PLCB1: variants seen among roughly 807,000 people sequenced by gnomAD.
PLCB1 encodes the protein 1-phosphatidylinositol 4,5-bisphosphate phosphodiesterase beta-1.
A neutral mutation model predicts 161.8 loss-of-function variants in PLCB1; 46 were observed. The ratio of observed to expected loss-of-function variants is 0.28; its 90% CI spans 0.22 to 0.36. The LOEUF (loss-of-function observed/expected upper bound fraction) is 0.36, where lower values mean the gene tolerates loss of function less well. Among genes scored for constraint, PLCB1 ranks in the 10% least tolerant of loss-of-function variants. The pLI is 1.00. For missense variants in PLCB1, 1,016 were observed against 1,472.5 expected (o/e 0.69, Z 5.07); for synonymous variants, 517 against 503.7 (o/e 1.03, Z -0.35).
intron 11 of PLCB1, among the ~76,000 whole-genome samples, chr20:8,699,993 C>T (rs1186322730): frequency 6.6e-6 from 1 of 152,198 alleles, no homozygotes; most frequent in Non-Finnish European, 1.5e-5. Flanking sequence ...TTTCCATAGT[C>T]CCACTTCTTC....
intron 17 of PLCB1, among the ~76,000 whole-genome samples, chr20:8,728,782 T>C: frequency 6.6e-6 from 1 of 152,072 alleles, no homozygotes; most frequent in Non-Finnish European, 1.5e-5. Flanking sequence ...GATAAGAGCA[T>C]ACTTATTCTG....
chr20:8,867,331 G>A (rs1987462747), intron 31 of PLCB1, among the ~76,000 whole-genome samples: 1 of 152,230 alleles, frequency 6.6e-6, no homozygotes, highest in African/African-American at 2.4e-5. Flanking sequence ...TGAAGAGGCT[G>A]CTTCATGGGA....
intron 9 of PLCB1, among the ~76,000 whole-genome samples, chr20:8,673,113 AAAATAAATAAATAAATAAAT>A (rs145820624): frequency 1.6e-4 from 23 of 146,896 alleles, no homozygotes; most frequent in South Asian, 4.3e-4. Context: ...GTCCATCCCA[AAAATAAATAAATAAATAAAT>A]AAATAAATAA....
At chr20:8,581,635 T>C (rs929415018) in intron 3 of PLCB1, among the ~76,000 whole-genome samples, 12 of 152,172 alleles carry the variant, frequency 7.9e-5, no homozygotes, top group African/African-American at 2.9e-4. Flanking sequence ...AGTGACTCAC[T>C]ATCCAGGTTT....
Position 8,154,671 on chromosome 20 carries a change from G to A in PLCB1, c.177+4300G>A, listed in dbSNP as rs151009817. On this transcript the variant is annotated intron_variant, in intron 2 of 31. Transcript: ENST00000338037. ...TTATATCACCTTGTTTTAATCTGTC[G>A]TTGCCTGATTTGCTAGTAAACTGTG... Among the ~76,000 whole-genome samples, 357 of 152,120 alleles carry A rather than the reference G, an allele frequency of 2.3e-3. 2 individuals are homozygous for A. The highest frequency in any genetic ancestry group is 0.014 in the Middle Eastern group (4 of 294).
At chr20:8,230,883 C>T (rs1427185605) in intron 2 of PLCB1, among the ~76,000 whole-genome samples, 1 of 152,090 alleles carries the variant, frequency 6.6e-6, no homozygotes, top group South Asian at 2.1e-4. Flanking sequence ...TACCCCCTGC[C>T]TACCTCTCAA....
At chr20:8,286,077 C>A (rs1209869822) in intron 2 of PLCB1, among the ~76,000 whole-genome samples, 6 of 152,194 alleles carry the variant, frequency 3.9e-5, no homozygotes, top group African/African-American at 1.2e-4. Flanking sequence ...GTGATCCCAG[C>A]ACTTTGGGAG....
rs542314003 is a variant in PLCB1 at position 8,667,415 on chromosome 20, AT to A, written c.862+8716del. 3.1e-3 allele frequency among the ~76,000 whole-genome samples: 479 copies of A among 152,182 alleles called. 3 individuals are homozygous for A. The highest frequency in any genetic ancestry group is 0.011 in the African/African-American group (446 of 41,506). On this transcript the variant is annotated intron_variant, in intron 9 of 31. Transcript: ENST00000338037. ...CAGATTGCCTAAGAATGAAAAAAAAATTTTTCAAGATCGTCATTGTGGATCT... is the reference window on the plus strand; with the variant it reads ...CAGATTGCCTAAGAATGAAAAAAAAATTTTCAAGATCGTCATTGTGGATCT...
chr20:8,599,918 A>G (rs1328364621), intron 3 of PLCB1, among the ~76,000 whole-genome samples: 1 of 147,182 alleles, frequency 6.8e-6, no homozygotes, highest in Non-Finnish European at 1.5e-5. Flanking sequence ...TGCATTCTTC[A>G]TGTAGTTCTC....
intron 2 of PLCB1, among the ~76,000 whole-genome samples, chr20:8,322,026 C>T (rs1360488086): frequency 6.6e-6 from 1 of 152,130 alleles, no homozygotes; most frequent in African/African-American, 2.4e-5. Flanking sequence ...TAGAAAAATA[C>T]CCCAGGTCCA....
At chr20:8,738,739 C>G (rs1216693618) in intron 20 of PLCB1, among the ~76,000 whole-genome samples, 1 of 152,166 alleles carries the variant, frequency 6.6e-6, no homozygotes, top group Non-Finnish European at 1.5e-5. Flanking sequence ...GGTGATAAAA[C>G]ATAGATGAAG....
chr20:8,208,664 G>A (rs563662679), intron 2 of PLCB1, among the ~76,000 whole-genome samples: 1 of 152,068 alleles, frequency 6.6e-6, no homozygotes, highest in East Asian at 1.9e-4. Context: ...TAAAAATATG[G>A]TCCCTGCCCC....
intron 2 of PLCB1, among the ~76,000 whole-genome samples, chr20:8,276,762 G>A (rs1321922977): frequency 6.6e-6 from 1 of 151,864 alleles, no homozygotes; most frequent in Admixed American, 6.6e-5. Flanking sequence ...TTCAGAAATT[G>A]GCCCTCAGCC....
Position 8,747,523 on chromosome 20 carries a change from T to C in PLCB1, c.2523+5950T>C, listed in dbSNP as rs188233010. Among the ~76,000 whole-genome samples the C allele has an allele frequency of 1.4e-3, 218 of 152,338 alleles. 1 individual carries two copies. The highest frequency in any genetic ancestry group is 5.1e-3 in the African/African-American group (212 of 41,582). Reference sequence around the variant, plus strand: ...TTGAAAAGGAAAAGTTGTTTGGTAATACTAAAAGTTTATTTATTCCAAAGG... The same window carrying C: ...TTGAAAAGGAAAAGTTGTTTGGTAACACTAAAAGTTTATTTATTCCAAAGG... On this transcript the variant is annotated intron_variant, in intron 23 of 31. Coordinates refer to ENST00000338037, the MANE Select transcript of PLCB1 (RefSeq NM_015192.4).
intron 3 of PLCB1, among the ~76,000 whole-genome samples, chr20:8,490,510 C>G (rs1982900510): frequency 6.6e-6 from 1 of 152,192 alleles, no homozygotes. Flanking sequence ...CACAGGCTTT[C>G]TATTTCTCAT....
At chr20:8,484,354 T>TGC (rs1982631633) in intron 3 of PLCB1, among the ~76,000 whole-genome samples, 1 of 111,786 alleles carries the variant, frequency 8.9e-6, no homozygotes, top group African/African-American at 2.8e-5. Context: ...TAGCTGCTGC[T>TGC]TCTTCTTCTT....
chr20:8,526,092 G>A (rs1984575667), intron 3 of PLCB1, among the ~76,000 whole-genome samples: 2 of 152,038 alleles, frequency 1.3e-5, no homozygotes, highest in Admixed American at 1.3e-4. Context: ...ATCAGCGGTG[G>A]AGATACCTGA....
chr20:8,212,419 C>A (rs6039096), intron 2 of PLCB1, among the ~76,000 whole-genome samples: 1 of 151,972 alleles, frequency 6.6e-6, no homozygotes, highest in Non-Finnish European at 1.5e-5. Context: ...CAAGAAAATA[C>A]GGTGGGTGAA....
intron 31 of PLCB1, among the ~76,000 whole-genome samples, chr20:8,813,703 T>C (rs966103228): frequency 1.3e-5 from 2 of 152,088 alleles, no homozygotes; most frequent in Non-Finnish European, 2.9e-5. Context: ...TGGTAACACA[T>C]GCCTGTAGTC....
Sources: allele counts gnomAD v4.1 joint callset (sites outside exome capture counted in the v4.1 genomes callset), GRCh38; gene constraint gnomAD v4.1.1; transcripts MANE v1.5; gene names NCBI Gene and HGNC (gene_info 2026-07-23, HGNC 2026-07-21).